The following PTPRD variants were observed in gnomAD, a reference collection of about 807,000 sequenced individuals.
PTPRD encodes the protein protein tyrosine phosphatase receptor type D.
PTPRD carries 34 observed loss-of-function variants against 214.5 expected under a neutral mutation model. The ratio of observed to expected loss-of-function variants is 0.16; its 90% CI spans 0.12 to 0.21. PTPRD has a LOEUF of 0.21. PTPRD is among the 10% of genes least tolerant of loss of function. PTPRD has a pLI of 1.00. For synonymous variants in PTPRD, 1,128 were observed against 845.7 expected (o/e 1.33, Z -5.79); for missense variants, 2,545 against 2,398.7 (o/e 1.06, Z -1.27).
intron 3 of PTPRD, among the ~76,000 whole-genome samples, chr9:10,271,534 C>CTTTTTTTTTTTTTTTTTTTTTTTTTT (rs1251429330): frequency 1.2e-5 from 1 of 86,572 alleles, no homozygotes. Context: ...TCAATTGTTT[C>CTTTTTTTTTTTTTTTTTTTTTTTTTT]TTTTCTTTTC....
Position 8,624,766 on chromosome 9 carries a change from C to T in PTPRD, c.352+8551G>A, listed in dbSNP as rs546642385. ...AAGCACTGGAAGGTTGATACAAATT[C>T]ATGCTTATGTAGCTAGAAAGAGCAT... On this transcript the variant is annotated intron_variant, in intron 14 of 45. Coordinates refer to ENST00000381196, the MANE Select transcript of PTPRD (RefSeq NM_002839.4). Among the ~76,000 whole-genome samples the T allele has an allele frequency of 4.0e-5, 6 of 151,892 alleles. No individual in the cohort carries two copies. The Middle Eastern group carries it at 0.014, about 344-fold the overall frequency.
At chr9:8,764,521 G>C (rs1020879659) in intron 11 of PTPRD, among the ~76,000 whole-genome samples, 4 of 152,128 alleles carry the variant, frequency 2.6e-5, no homozygotes, top group Non-Finnish European at 4.4e-5. Context: ...ATTTGAGCCA[G>C]GCATGGTGGC....
At chr9:9,325,057 G>A (rs1261987649) in intron 9 of PTPRD, among the ~76,000 whole-genome samples, 1 of 152,138 alleles carries the variant, frequency 6.6e-6, no homozygotes, top group African/African-American at 2.4e-5. Flanking sequence ...CTATATCTCT[G>A]TTTTGGTACA....
chr9:9,703,680 T>C (rs1395450213), intron 7 of PTPRD, among the ~76,000 whole-genome samples: 2 of 152,208 alleles, frequency 1.3e-5, no homozygotes, highest in African/African-American at 4.8e-5. Context: ...TTTACCTCCC[T>C]GAGAGAAAAT....
At chr9:9,197,176 G>A (rs1403277684) in intron 9 of PTPRD, among the ~76,000 whole-genome samples, 2 of 152,096 alleles carry the variant, frequency 1.3e-5, no homozygotes, top group South Asian at 2.1e-4. Flanking sequence ...CTTTCTGGAA[G>A]CATCTAATCC....
intron 9 of PTPRD, among the ~76,000 whole-genome samples, chr9:9,247,690 A>G (rs920720618): frequency 3.3e-5 from 5 of 152,076 alleles, no homozygotes; most frequent in African/African-American, 1.2e-4. Flanking sequence ...TCTGATCTCC[A>G]GCAGGGAGTC....
chr9:9,175,078 C>A (rs1006650992), intron 10 of PTPRD, among the ~76,000 whole-genome samples: 9 of 152,112 alleles, frequency 5.9e-5, no homozygotes, highest in African/African-American at 2.2e-4. Context: ...CCTCACCAGA[C>A]ACCAAATTTG....
intron 8 of PTPRD, among the ~76,000 whole-genome samples, chr9:9,513,423 CAT>C (rs1225107323): frequency 1.3e-5 from 2 of 151,834 alleles, no homozygotes; most frequent in Non-Finnish European, 2.9e-5. Flanking sequence ...TGTTTTTACT[CAT>C]GTGTATTTAA....
chr9:9,397,563 T>C (rs1008354026), intron 8 of PTPRD, 81 bp from the exon 9 acceptor site: 2 of 152,370 alleles, frequency 1.3e-5, no homozygotes, highest in East Asian at 1.9e-4. Flanking sequence ...ACACATGTTA[T>C]GGACATATCT....
At chr9:9,134,232 C>A (rs1354787809) in intron 10 of PTPRD, among the ~76,000 whole-genome samples, 3 of 148,044 alleles carry the variant, frequency 2.0e-5, no homozygotes, top group Non-Finnish European at 4.4e-5. Context: ...GCCACCACGC[C>A]CGGCTAATTT....
At chr9:8,937,623 T>C (rs1436919188) in intron 11 of PTPRD, among the ~76,000 whole-genome samples, 1 of 152,178 alleles carries the variant, frequency 6.6e-6, no homozygotes, top group Admixed American at 6.5e-5. Flanking sequence ...TTGGAATGTT[T>C]TTCTCTAACC....
At position 9,088,581 on chromosome 9, in the gene PTPRD, G is replaced by GAAA. The variant is rs533619970; in HGVS notation, c.-142-69849_-142-69847dup. ...GGCGACAGAGTGAGACTTAGTCTCAGAAAAAAAAAAAAAAAAAAAAAAAAA... is the reference window on the plus strand; with the variant it reads ...GGCGACAGAGTGAGACTTAGTCTCAGAAAAAAAAAAAAAAAAAAAAAAAAAAAA... On this transcript the variant is annotated intron_variant, in intron 10 of 45. Transcript: ENST00000381196. Among the ~76,000 whole-genome samples the GAAA allele has an allele frequency of 1.6e-3, 54 of 33,030 alleles. 1 individual carries two copies. Among genetic ancestry groups the GAAA allele is most frequent in the East Asian group, 2.3e-3 (2 of 870 alleles). 21.7% of individuals were successfully genotyped at this position (33,030 alleles called of 152,430 possible). A position where few individuals can be genotyped will look rare whatever the true frequency, so the allele number is the denominator to read the frequency against.
At chr9:8,918,520 A>G (rs1230201552) in intron 11 of PTPRD, among the ~76,000 whole-genome samples, 2 of 152,120 alleles carry the variant, frequency 1.3e-5, no homozygotes, top group African/African-American at 4.8e-5. Context: ...CCTCATCTGT[A>G]GAGGGTGATA....
chr9:9,999,435 C>G (rs2096254728), intron 4 of PTPRD, among the ~76,000 whole-genome samples: 1 of 152,208 alleles, frequency 6.6e-6, no homozygotes, highest in South Asian at 2.1e-4. Context: ...GCCCTTCCCT[C>G]TCAAAATTTG....
intron 8 of PTPRD, among the ~76,000 whole-genome samples, chr9:9,565,990 G>C (rs1456789569): frequency 6.6e-6 from 1 of 151,884 alleles, no homozygotes; most frequent in Non-Finnish European, 1.5e-5. Context: ...TTATAAATAT[G>C]CTATGAAGGA....
intron 2 of PTPRD, among the ~76,000 whole-genome samples, chr9:10,422,236 C>T (rs1031099696): frequency 3.3e-5 from 5 of 151,904 alleles, no homozygotes; most frequent in African/African-American, 1.2e-4. Context: ...ATAAATGGTG[C>T]TGGGAAAACT....
intron 12 of PTPRD, among the ~76,000 whole-genome samples, chr9:8,722,956 A>C (rs1041122930): frequency 2.0e-5 from 3 of 152,230 alleles, no homozygotes; most frequent in African/African-American, 7.2e-5. Context: ...CTTGATCAGG[A>C]GGTTGTATCA....
chr9:10,079,866 T>G (rs372380920), intron 3 of PTPRD, among the ~76,000 whole-genome samples: 1 of 152,092 alleles, frequency 6.6e-6, no homozygotes, highest in African/African-American at 2.4e-5. Context: ...GTTAGATGTT[T>G]GCTATGAATA....
intron 8 of PTPRD, among the ~76,000 whole-genome samples, chr9:9,412,646 T>G (rs546448728): frequency 3.1e-4 from 47 of 152,318 alleles, no homozygotes; most frequent in Middle Eastern, 3.4e-3. Context: ...ATCCCAAATT[T>G]GTCTTCATAC....
Sources: allele counts gnomAD v4.1 joint callset (sites outside exome capture counted in the v4.1 genomes callset), GRCh38; gene constraint gnomAD v4.1.1; transcripts MANE v1.5; gene names NCBI Gene and HGNC (gene_info 2026-07-23, HGNC 2026-07-21).